Variants in FRMD5 observed in about 807,000 individuals in gnomAD.
The protein encoded by FRMD5 is FERM domain containing 5, also known as FERM domain-containing protein 5.
A neutral mutation model predicts 69.0 loss-of-function variants in FRMD5; 20 were observed. That is an observed-to-expected ratio of 0.29 (90% CI 0.20 to 0.42). The LOEUF (loss-of-function observed/expected upper bound fraction) is 0.42. Among genes scored for constraint, FRMD5 ranks in the 10% least tolerant of loss-of-function variants. FRMD5 has a pLI of 1.00. For missense variants in FRMD5, 595 were observed against 708.6 expected, an observed-to-expected ratio of 0.84 and a Z score of 1.82; for synonymous variants, 271 against 260.1, an observed-to-expected ratio of 1.04 and a Z score of -0.40.
At chr15:44,180,096 A>G (rs1365197700) in intron 1 of FRMD5, among the ~76,000 whole-genome samples, 1 of 151,510 alleles carries the variant, frequency 6.6e-6, no homozygotes, top group Non-Finnish European at 1.5e-5. Flanking sequence ...AAAAAAGAAA[A>G]CAACTCTGCA....
rs765710915 is a variant in FRMD5 at position 43,874,441 on chromosome 15, C to T, written c.1157G>A (p.Ser386Asn). Residue 386 changes from serine (S) to asparagine (N), a missense_variant, in exon 14 of 14, where the codon AGT becomes AAT. This residue lies in a region of FRMD5 where 176 missense variants were observed against 266.3 expected (regional missense o/e 0.66). Coordinates refer to ENST00000417257, the MANE Select transcript of FRMD5 (RefSeq NM_032892.5). ...IMEGLESLRD[S>N]AHSTPVRSTS... is the part of the protein sequence containing the mutation. Reference sequence around the variant, plus strand: ...GGAACGCACTGGTGTGGAATGGGCACTGTCCCGTAAGGACTCTAGGCCTAG... The same window carrying T: ...GGAACGCACTGGTGTGGAATGGGCATTGTCCCGTAAGGACTCTAGGCCTAG... 1 of 1,614,186 alleles carries T rather than the reference C, an allele frequency of 6.2e-7. No homozygotes were observed. Among genetic ancestry groups the T allele is most frequent in the South Asian group, 1.1e-5 (1 of 91,086 alleles).
chr15:44,076,613 G>A (rs1893778922), intron 1 of FRMD5, among the ~76,000 whole-genome samples: 1 of 134,884 alleles, frequency 7.4e-6, no homozygotes, highest in South Asian at 2.6e-4. Flanking sequence ...TCACACTCTG[G>A]GGACTGTTGT....
intron 1 of FRMD5, among the ~76,000 whole-genome samples, chr15:44,182,386 G>C (rs2078020280): frequency 6.7e-6 from 1 of 148,848 alleles, no homozygotes; most frequent in Admixed American, 6.7e-5. Flanking sequence ...CTGGAGTGCA[G>C]TGGTGCGGTC....
chr15:43,890,981 A>G (rs2088780285), intron 8 of FRMD5, among the ~76,000 whole-genome samples: 1 of 152,108 alleles, frequency 6.6e-6, no homozygotes, highest in African/African-American at 2.4e-5. Context: ...TGTACTCAAG[A>G]TTCCTCATGA....
At chr15:44,141,129 T>C (rs1468642107) in intron 1 of FRMD5, among the ~76,000 whole-genome samples, 1 of 152,076 alleles carries the variant, frequency 6.6e-6, no homozygotes, top group Non-Finnish European at 1.5e-5. Context: ...ACAATTATAT[T>C]AAAAACCTCC....
intron 1 of FRMD5, among the ~76,000 whole-genome samples, chr15:44,117,138 A>G (rs1183083842): frequency 6.6e-6 from 1 of 151,386 alleles, no homozygotes; most frequent in Non-Finnish European, 1.5e-5. Context: ...GCACCCATCC[A>G]GGAGGAAGAG....
upstream of FRMD5, among the ~76,000 whole-genome samples, chr15:44,197,678 C>CAAAAAAA (rs5812271): frequency 1.8e-4 from 15 of 84,602 alleles, no homozygotes; most frequent in Non-Finnish European, 3.0e-4. Flanking sequence ...GACTCCATCT[C>CAAAAAAA]AAAAAAAAAA....
chr15:44,164,244 C>T (rs1429338408), intron 1 of FRMD5, among the ~76,000 whole-genome samples: 1 of 152,198 alleles, frequency 6.6e-6, no homozygotes, highest in East Asian at 1.9e-4. Context: ...ATTCCCCCTA[C>T]TTGATCATGG....
chr15:44,172,094 CTT>C (rs35080273), intron 1 of FRMD5, among the ~76,000 whole-genome samples: 19 of 140,478 alleles, frequency 1.4e-4, no homozygotes, highest in Non-Finnish European at 7.8e-5. Flanking sequence ...TATCACTACA[CTT>C]TTTTTTTTTT....
At chr15:44,071,750 G>T (rs530389165) in intron 1 of FRMD5, among the ~76,000 whole-genome samples, 3 of 151,994 alleles carry the variant, frequency 2.0e-5, no homozygotes, top group African/African-American at 7.3e-5. Flanking sequence ...TTGGACTCTT[G>T]TGTTATTCAT....
chr15:44,142,149 T>C (rs544939873), intron 1 of FRMD5, among the ~76,000 whole-genome samples: 41 of 152,304 alleles, frequency 2.7e-4, no homozygotes, highest in African/African-American at 7.7e-4. Context: ...AAGGTTTACA[T>C]AGAGAACCCT....
chr15:43,955,066 T>A (rs1313910203), intron 1 of FRMD5, among the ~76,000 whole-genome samples: 3 of 152,262 alleles, frequency 2.0e-5, no homozygotes, highest in Admixed American at 1.3e-4. Flanking sequence ...AGTAAATTTA[T>A]TTGCCTTTGA....
chr15:43,931,266 G>A (rs1373388410), intron 1 of FRMD5, among the ~76,000 whole-genome samples: 1 of 152,142 alleles, frequency 6.6e-6, no homozygotes, highest in African/African-American at 2.4e-5. Flanking sequence ...GAATATCTCA[G>A]TGGACTAGTC....
intron 1 of FRMD5, among the ~76,000 whole-genome samples, chr15:44,024,562 G>A (rs928977547): frequency 3.3e-5 from 5 of 151,978 alleles, no homozygotes; most frequent in African/African-American, 1.2e-4. Flanking sequence ...CATTTCATAC[G>A]TTTTTTCCTA....
intron 13 of FRMD5, among the ~76,000 whole-genome samples, chr15:43,883,075 C>T (rs931210306): frequency 5.3e-5 from 8 of 151,712 alleles, no homozygotes; most frequent in Non-Finnish European, 1.0e-4. Context: ...GGATTACAGG[C>T]GTGAGCCACT....
chr15:43,910,077 C>T (rs2089257959), intron 4 of FRMD5, 98 bp from the exon 5 acceptor site: 1 of 615,968 alleles, frequency 1.6e-6, no homozygotes, highest in African/African-American at 1.8e-5. Context: ...TGTCAGGATA[C>T]TTTTACTACA....
chr15:43,982,679 T>A (rs895579558), intron 1 of FRMD5, among the ~76,000 whole-genome samples: 10 of 152,216 alleles, frequency 6.6e-5, no homozygotes, highest in African/African-American at 2.4e-4. Flanking sequence ...ACTTTAGCAG[T>A]CCTACCAAGA....
chr15:43,942,852 C>T (rs972262233), intron 1 of FRMD5, among the ~76,000 whole-genome samples: 3 of 152,228 alleles, frequency 2.0e-5, no homozygotes, highest in East Asian at 1.9e-4. Flanking sequence ...CTCCACCTCC[C>T]GGGCTCAAGA....
At chr15:44,119,465 T>C (rs1217291322) in intron 1 of FRMD5, among the ~76,000 whole-genome samples, 1 of 152,216 alleles carries the variant, frequency 6.6e-6, no homozygotes, top group Non-Finnish European at 1.5e-5. Context: ...GTTTCCAAAG[T>C]TTAAACTTTA....
Sources: gnomAD v4.1 joint callset for allele counts (sites outside exome capture counted in the v4.1 genomes callset) on GRCh38, gnomAD v4.1.1 for gene constraint, gnomAD v4.1.1 regional missense constraint, MANE v1.5 for transcripts, NCBI Gene and HGNC (gene_info 2026-07-23, HGNC 2026-07-21) for gene names.